Variants in NRN1 observed in about 807,000 individuals in gnomAD.
NRN1 encodes the protein neuritin.
NRN1 carries 4 observed loss-of-function variants against 15.0 expected under a neutral mutation model. The observed-to-expected ratio is 0.27, with a 90% confidence interval of 0.13 to 0.61. The LOEUF is 0.61. Among genes scored for constraint, NRN1 ranks in the 20% least tolerant of loss-of-function variants. The pLI, the probability that NRN1 is intolerant of heterozygous loss-of-function variation, is 0.87. For missense variants in NRN1, 134 were observed against 181.9 expected, an observed-to-expected ratio of 0.74 and a Z score of 1.51; for synonymous variants, 85 against 79.8, an observed-to-expected ratio of 1.07 and a Z score of -0.35.
intron 1 of NRN1, chr6:6,003,139 G>A: frequency 1.7e-6 from 2 of 1,172,234 alleles, no homozygotes; most frequent in Non-Finnish European, 2.1e-6. Context: ...TACCGAAATG[G>A]ATTGTTTCAT....
intron 1 of NRN1, 79 bp from the exon 2 acceptor site, chr6:6,002,576 G>A: frequency 6.5e-7 from 1 of 1,541,854 alleles, no homozygotes; most frequent in Non-Finnish European, 8.7e-7. Flanking sequence ...CGAGACCCTG[G>A]CTCCGCGCGG....
At chr6:6,003,541 C>G (rs1482462671) in intron 1 of NRN1, among the ~76,000 whole-genome samples, 1 of 152,214 alleles carries the variant, frequency 6.6e-6, no homozygotes, top group African/African-American at 2.4e-5. Context: ...CTGGCCCCAG[C>G]TCAGGACTCC....
intron 1 of NRN1, among the ~76,000 whole-genome samples, chr6:6,004,412 G>T (rs1330530701): frequency 6.6e-6 from 1 of 152,032 alleles, no homozygotes; most frequent in African/African-American, 2.4e-5. Flanking sequence ...CCCCGTCCAC[G>T]TCTCTCCCCA....
chr6:6,004,144 G>A (rs2151034021), intron 1 of NRN1: 1 of 627,642 alleles, frequency 1.6e-6, no homozygotes, highest in Non-Finnish European at 2.0e-6. Flanking sequence ...GGAAGGGACC[G>A]AGGTTAACTT....
chr6:6,002,360 C>G lies in NRN1; in HGVS notation c.193G>C (p.Val65Leu). 6.2e-7 allele frequency: 1 copy of G among 1,614,160 alleles called. No individual in the cohort carries two copies. Among genetic ancestry groups the G allele is most frequent in the Non-Finnish European group, 8.5e-7 (1 of 1,179,980 alleles). Reference sequence around the variant, plus strand: ...GCCAGAGAGGACACTTACGTGCACACGGTCTTGATGTTCGTCTTGTCGTCC... The same window carrying G: ...GCCAGAGAGGACACTTACGTGCACAGGGTCTTGATGTTCGTCTTGTCGTCC... ...GLDDKTNIKT[V>L]CTYWEDFHSC... The change falls in exon 2 of 3, where the codon GTG becomes CTG. Residue 65 changes from valine to leucine, a missense_variant. Physicochemically the swap from Val to Leu is conservative, Grantham distance 32. Transcript: ENST00000244766.
intron 1 of NRN1, among the ~76,000 whole-genome samples, chr6:6,004,713 G>C (rs979980420): frequency 1.3e-5 from 2 of 152,200 alleles, no homozygotes; most frequent in Non-Finnish European, 2.9e-5. Flanking sequence ...GTCCCAGCAG[G>C]TCGCAGCCCG....
rs561988183 is a variant in NRN1, at chr6:5,998,687, A to T, written c.*289T>A. ...AAAAAAAATTAATAATAATAAAATT[A>T]AAAAATGGGGTGGGTTTGCCGTTTT... On this transcript the variant is annotated 3_prime_UTR_variant, in exon 3 of 3. Coordinates refer to ENST00000244766, the MANE Select transcript of NRN1 (RefSeq NM_016588.3). 23 of 270,714 alleles carry T rather than the reference A, an allele frequency of 8.5e-5. No homozygotes were observed. Among genetic ancestry groups the T allele is most frequent in the Middle Eastern group, 1.1e-3 (1 of 906 alleles). 16.8% of individuals were successfully genotyped at this position (270,714 alleles called of 1,614,324 possible).
At chr6:6,004,522 C>T (rs181450746) in intron 1 of NRN1, among the ~76,000 whole-genome samples, 190 of 152,328 alleles carry the variant, frequency 1.2e-3, no homozygotes, top group Admixed American at 2.5e-3. Flanking sequence ...CGGGAGCGCT[C>T]TTGTCACGTT....
At chr6:6,006,565 C>T in intron 1 of NRN1, 130 bp downstream of exon 1, 4 of 786,276 alleles carry the variant, frequency 5.1e-6, no homozygotes, top group Non-Finnish European at 6.6e-6. Flanking sequence ...CTGATGCCCC[C>T]ACCCTCGGGG....
At chr6:5,999,310 C>T (rs1173371930) in intron 2 of NRN1, 106 bp from the exon 3 acceptor site, 1 of 904,780 alleles carries the variant, frequency 1.1e-6, no homozygotes, top group Non-Finnish European at 1.7e-6. Flanking sequence ...CGCCAACTTC[C>T]CGGGGTGTCC....
intron 1 of NRN1, 188 bp from the exon 2 acceptor site, chr6:6,002,685 C>A: frequency 1.4e-6 from 1 of 725,630 alleles, no homozygotes; most frequent in Admixed American, 2.9e-5. Context: ...CGACCTGCAG[C>A]TAACGCTGCG....
In NRN1 at chr6:5,999,208, G is replaced by A. The variant is rs1757861770; in HGVS notation, c.201-4C>T. The A allele has an allele frequency of 6.2e-7, 1 of 1,610,764 alleles. No individual in the cohort carries two copies. Among genetic ancestry groups the A allele is most frequent in the African/African-American group, 1.3e-5 (1 of 75,012 alleles). On this transcript the variant is annotated splice_region_variant and splice_polypyrimidine_tract_variant and intron_variant, in intron 2 of 2. Transcript: ENST00000244766. ...GCTGTGGAAATCCTCCCAGTATCTG[G>A]TGAGGAACAGAACAAAACAGAACAA...
intron 2 of NRN1, among the ~76,000 whole-genome samples, chr6:5,999,685 C>G (rs956990507): frequency 6.6e-6 from 1 of 152,228 alleles, no homozygotes; most frequent in African/African-American, 2.4e-5. Context: ...TCCCCCTCGC[C>G]CCTTCTGTCT....
chr6:6,005,110 C>A (rs557055189), intron 1 of NRN1, among the ~76,000 whole-genome samples: 1 of 152,178 alleles, frequency 6.6e-6, no homozygotes, highest in African/African-American at 2.4e-5. Flanking sequence ...ACGCGTCCCT[C>A]AGGCACGACC....
chr6:5,998,752 T>A lies in NRN1; in HGVS notation c.*224A>T. 1.9e-6 allele frequency: 1 copy of A among 528,670 alleles called. No individual in the cohort carries two copies. Among genetic ancestry groups the A allele is most frequent in the East Asian group, 3.0e-5 (1 of 33,702 alleles). 32.7% of individuals were successfully genotyped at this position (528,670 alleles called of 1,614,324 possible). ...AAGACGGACTAAAGCTGAGGTCCGATTTTGGCTGTGCTTGCTTGCTCACTG... is the reference window on the plus strand; with the variant it reads ...AAGACGGACTAAAGCTGAGGTCCGAATTTGGCTGTGCTTGCTTGCTCACTG... On this transcript the variant is annotated 3_prime_UTR_variant, in exon 3 of 3. Coordinates refer to ENST00000244766, the MANE Select transcript of NRN1 (RefSeq NM_016588.3).
chr6:6,003,545 GGA>G lies in NRN1; in HGVS notation c.56-1050_56-1049del, dbSNP rs540605792. 9.8e-4 allele frequency among the ~76,000 whole-genome samples: 150 copies of G among 152,310 alleles called. 1 individual carries two copies. The highest frequency in any genetic ancestry group is 3.5e-3 in the African/African-American group (144 of 41,578). On this transcript the variant is annotated intron_variant, in intron 1 of 2. Coordinates refer to ENST00000244766, the MANE Select transcript of NRN1 (RefSeq NM_016588.3). ...GCCCGGGGCTCCTGGCCCCAGCTCA[GGA>G]CTCCCTGCAGAGAGCAGGCAGGGAT...
upstream of NRN1, among the ~76,000 whole-genome samples, chr6:6,007,260 G>T (rs547663914): frequency 3.2e-4 from 49 of 151,840 alleles, no homozygotes; most frequent in African/African-American, 1.1e-3. Context: ...CCGCCTCCCT[G>T]CGCAGAACAG....
chr6:6,002,174 C>A (rs1370204742), intron 2 of NRN1, among the ~76,000 whole-genome samples, 179 bp downstream of exon 2: 6 of 152,220 alleles, frequency 3.9e-5, no homozygotes, highest in African/African-American at 9.6e-5. Context: ...CCTTGGGAAG[C>A]GCAGGTTCTA....
At chr6:6,003,259 C>T (rs903587720) in intron 1 of NRN1, 4 of 1,234,400 alleles carry the variant, frequency 3.2e-6, no homozygotes, top group Non-Finnish European at 4.0e-6. Flanking sequence ...AGACCTGGCG[C>T]GGATGATGAG....
Sources: gnomAD v4.1 joint callset for allele counts (sites outside exome capture counted in the v4.1 genomes callset) on GRCh38, gnomAD v4.1.1 for gene constraint, MANE v1.5 for transcripts, NCBI Gene and HGNC (gene_info 2026-07-23, HGNC 2026-07-21) for gene names.